PPP2R5C: variants seen among roughly 807,000 people sequenced by gnomAD.
PPP2R5C encodes serine/threonine-protein phosphatase 2A 56 kDa regulatory subunit gamma isoform.
In PPP2R5C, 7 loss-of-function variants were observed where a neutral mutation model predicts 68.9. That is an observed-to-expected ratio of 0.10 (90% CI 0.06 to 0.19). The LOEUF (loss-of-function observed/expected upper bound fraction) is 0.19, where lower values mean the gene tolerates loss of function less well. Ranked by LOEUF, PPP2R5C falls within the 10% of genes least tolerant of loss-of-function variation. The probability of loss-of-function intolerance (pLI) is 1.00; values close to 1 mark genes in which losing one functional copy is unlikely to be tolerated. For missense variants in PPP2R5C, 348 were observed against 641.3 expected (o/e 0.54, Z 4.94); for synonymous variants, 210 against 222.2 (o/e 0.95, Z 0.49).
intron 1 of PPP2R5C, among the ~76,000 whole-genome samples, chr14:101,854,029 G>A (rs1255524318): frequency 6.6e-6 from 1 of 152,104 alleles, no homozygotes; most frequent in African/African-American, 2.4e-5. Flanking sequence ...AGAATTGAAG[G>A]CAAGCAAAGA....
rs60149653 is a variant in PPP2R5C at position 101,821,450 on chromosome 14, TGG to T, written c.94+11416_94+11417del. Among the ~76,000 whole-genome samples, 1,004 of 106,102 alleles carry T rather than the reference TGG, an allele frequency of 9.5e-3. 7 individuals carry two copies. The highest frequency in any genetic ancestry group is 0.016 in the African/African-American group (429 of 26,062). The allele number at this position is 106,102 out of a possible 152,430, so 69.6% of individuals were successfully genotyped here. On this transcript the variant is annotated intron_variant, in intron 1 of 13. Transcript: ENST00000334743. ...TTTCTCCCTGTGGGGGGTGGGTGGG[TGG>T]GTGTGTGTGTGTGTGTGTGTGTGTG...
intron 1 of PPP2R5C, among the ~76,000 whole-genome samples, chr14:101,821,438 GGGGTGGGT>G (rs1200447761): frequency 3.8e-4 from 50 of 130,742 alleles, no homozygotes; most frequent in African/African-American, 1.3e-3. Flanking sequence ...CTCCCTGTGG[GGGGTGGGT>G]GGGTGGGTGT....
intron 3 of PPP2R5C, among the ~76,000 whole-genome samples, chr14:101,798,147 C>G (rs2038701755): frequency 1.3e-5 from 2 of 151,368 alleles, no homozygotes; most frequent in Admixed American, 6.6e-5. Flanking sequence ...CATATAGTTT[C>G]CAGTTTAAAA....
chr14:101,780,827 T>C (rs1297512629), intron 2 of PPP2R5C, among the ~76,000 whole-genome samples: 1 of 152,206 alleles, frequency 6.6e-6, no homozygotes, highest in Non-Finnish European at 1.5e-5. Context: ...TGAGAGGCAC[T>C]GGAGCATGGA....
At chr14:101,869,003 C>T (rs1485772395) in intron 2 of PPP2R5C, among the ~76,000 whole-genome samples, 1 of 152,168 alleles carries the variant, frequency 6.6e-6, no homozygotes, top group Admixed American at 6.5e-5. Flanking sequence ...ACCTCCGCCT[C>T]CTGTGTTCAA....
At chr14:101,865,282 C>T (rs2042986119) in intron 2 of PPP2R5C, among the ~76,000 whole-genome samples, 1 of 152,250 alleles carries the variant, frequency 6.6e-6, no homozygotes, top group South Asian at 2.1e-4. Flanking sequence ...TCCACAGAGT[C>T]ACAGGGACAG....
intron 8 of PPP2R5C, among the ~76,000 whole-genome samples, chr14:101,900,707 T>C (rs189708763): frequency 1.2e-4 from 19 of 152,342 alleles, no homozygotes; most frequent in African/African-American, 4.3e-4. Context: ...CAGGAACATA[T>C]AAAGAAAGGT....
intron 2 of PPP2R5C, among the ~76,000 whole-genome samples, chr14:101,775,595 G>A (rs1015840947): frequency 1.3e-5 from 2 of 152,196 alleles, no homozygotes; most frequent in Non-Finnish European, 2.9e-5. Context: ...CTCTACCTGA[G>A]GAAGTGCAGC....
intron 11 of PPP2R5C, among the ~76,000 whole-genome samples, chr14:101,910,000 TG>T (rs1181188523): frequency 1.3e-5 from 2 of 152,236 alleles, no homozygotes; most frequent in African/African-American, 4.8e-5. Context: ...GGCTATAATG[TG>T]TAGTCCATTT....
intron 1 of PPP2R5C, chr14:101,836,267 C>T: frequency 1.4e-6 from 1 of 702,898 alleles, no homozygotes. Flanking sequence ...AGAGCAAACC[C>T]ATGGAGAACC....
chr14:101,912,555 G>T (rs2046455893), intron 12 of PPP2R5C, 82 bp downstream of exon 14: 5 of 1,420,602 alleles, frequency 3.5e-6, no homozygotes, highest in Non-Finnish European at 1.8e-6. Flanking sequence ...CTTCACCATG[G>T]GGGGGGTCTC....
At chr14:101,833,400 A>T (rs2040875877) in intron 1 of PPP2R5C, 1 of 152,240 alleles carries the variant, frequency 6.6e-6, no homozygotes. Context: ...TAGGGTTACC[A>T]AAGATTCCTA....
chr14:101,809,669 T>C, upstream of PPP2R5C: 2 of 396,134 alleles, frequency 5.0e-6, no homozygotes, highest in East Asian at 6.5e-5. Context: ...GCCTAAAAGT[T>C]ACTGAGAAAC....
intron 1 of PPP2R5C, among the ~76,000 whole-genome samples, chr14:101,827,771 C>T (rs900190810): frequency 6.6e-6 from 1 of 152,136 alleles, no homozygotes; most frequent in African/African-American, 2.4e-5. Flanking sequence ...ACCTGTGCTG[C>T]TCTTTGACAG....
chr14:101,898,819 C>T (rs186770634), intron 8 of PPP2R5C, among the ~76,000 whole-genome samples: 12 of 152,338 alleles, frequency 7.9e-5, no homozygotes, highest in Admixed American at 2.0e-4. Flanking sequence ...TAAATTCCCT[C>T]TTTTGAAATG....
intron 3 of PPP2R5C, among the ~76,000 whole-genome samples, chr14:101,801,954 C>T (rs536168961): frequency 2.0e-5 from 3 of 152,326 alleles, no homozygotes; most frequent in South Asian, 4.1e-4. Flanking sequence ...AGCAAAGCTA[C>T]AGTAATCAAG....
chr14:101,761,647 G>C (rs1046732177), upstream of PPP2R5C, among the ~76,000 whole-genome samples: 3 of 136,544 alleles, frequency 2.2e-5, no homozygotes, highest in Non-Finnish European at 4.9e-5. Flanking sequence ...GAGAGGGGCG[G>C]GGCGGGCCGG....
chr14:101,788,061 A>G (rs183125010), intron 3 of PPP2R5C, among the ~76,000 whole-genome samples: 60 of 152,308 alleles, frequency 3.9e-4, no homozygotes, highest in Non-Finnish European at 7.5e-4. Flanking sequence ...GGAAAGGGAT[A>G]GGTATCAACT....
At chr14:101,905,296 G>A (rs1055607550) in intron 9 of PPP2R5C, among the ~76,000 whole-genome samples, 1 of 152,176 alleles carries the variant, frequency 6.6e-6, no homozygotes, top group Non-Finnish European at 1.5e-5. Flanking sequence ...AGAGGTTGTA[G>A]TGAGTCGAGA....
Sources: gnomAD v4.1 joint callset for allele counts (sites outside exome capture counted in the v4.1 genomes callset) on GRCh38, gnomAD v4.1.1 for gene constraint, MANE v1.5 for transcripts, NCBI Gene and HGNC (gene_info 2026-07-23, HGNC 2026-07-21) for gene names.